Variants in ZRANB3 observed in about 807,000 individuals in gnomAD.
The protein encoded by ZRANB3 is zinc finger RANBP2-type containing 3.
In ZRANB3, 125 loss-of-function variants were observed where a neutral mutation model predicts 133.8. The ratio of observed to expected loss-of-function variants is 0.93; its 90% CI spans 0.81 to 1.08. The LOEUF (loss-of-function observed/expected upper bound fraction) is 1.08. ZRANB3 is among the 50% of genes least tolerant of loss of function. ZRANB3 has a pLI of 0.00. For synonymous variants in ZRANB3, 387 were observed against 432.7 expected (o/e 0.89, Z 1.31); for missense variants, 1,229 against 1,275.5 (o/e 0.96, Z 0.56).
intron 3 of ZRANB3, among the ~76,000 whole-genome samples, chr2:135,354,456 T>G (rs138099014): frequency 1.3e-5 from 2 of 152,200 alleles, no homozygotes; most frequent in Non-Finnish European, 2.9e-5. Context: ...GCTGTTCCAA[T>G]TTAAAAAGTA....
At chr2:135,265,340 G>A (rs990753300) in intron 12 of ZRANB3, among the ~76,000 whole-genome samples, 194 bp downstream of exon 12, 3 of 151,908 alleles carry the variant, frequency 2.0e-5, no homozygotes, top group South Asian at 2.1e-4. Context: ...TTGTTTATCC[G>A]AGGAGCTGAA....
At chr2:135,486,604 C>T (rs1692135584) in intron 2 of ZRANB3, among the ~76,000 whole-genome samples, 1 of 151,936 alleles carries the variant, frequency 6.6e-6, no homozygotes, top group South Asian at 2.1e-4. Context: ...AACCTCCACT[C>T]CCAGGTTCAG....
intron 2 of ZRANB3, among the ~76,000 whole-genome samples, chr2:135,459,324 T>A (rs1461880994): frequency 6.6e-6 from 1 of 152,182 alleles, no homozygotes; most frequent in Non-Finnish European, 1.5e-5. Context: ...CTAAAACTCA[T>A]CTCTTCATCT....
chr2:135,371,809 G>C (rs900633683), intron 3 of ZRANB3, among the ~76,000 whole-genome samples: 2 of 152,126 alleles, frequency 1.3e-5, no homozygotes, highest in Non-Finnish European at 2.9e-5. Context: ...AATGTATCAG[G>C]AGGTGGAGGT....
intron 2 of ZRANB3, among the ~76,000 whole-genome samples, chr2:135,397,245 C>G (rs959801733): frequency 1.1e-4 from 17 of 152,040 alleles, no homozygotes; most frequent in African/African-American, 3.4e-4. Context: ...CAATCTGAGA[C>G]CAACGTGGGC....
At chr2:135,327,886 C>T (rs1683915083) in intron 6 of ZRANB3, among the ~76,000 whole-genome samples, 1 of 151,998 alleles carries the variant, frequency 6.6e-6, no homozygotes, top group Non-Finnish European at 1.5e-5. Context: ...CAAAAAATGT[C>T]CTAAGATAGT....
Position 135,207,784 on chromosome 2 carries a change from G to A in ZRANB3, c.2659C>T (p.Gln887Ter). The stretch of plus-strand genomic sequence containing the variant: ...GAGGGCTTCACAGTGAGATCTGCCT[G>A]GACTGTGTATGGATTTAGAAATGGG... ...CVPFLNPYTV[Q>*]ADLTVKPSTS... Residue 887 changes from glutamine (Q) to a stop codon, truncating the protein, a stop_gained, in exon 19 of 21, where the codon CAG becomes TAG. Coordinates refer to ENST00000264159, the MANE Select transcript of ZRANB3 (RefSeq NM_032143.4). LOFTEE classifies it high-confidence loss of function. 6.2e-7 allele frequency: 1 copy of A among 1,612,676 alleles called. No homozygotes were observed. The highest frequency in any genetic ancestry group is 1.1e-5 in the South Asian group (1 of 91,066).
intron 1 of ZRANB3, among the ~76,000 whole-genome samples, chr2:135,521,586 T>C (rs539280186): frequency 6.6e-6 from 1 of 152,226 alleles, no homozygotes; most frequent in East Asian, 1.9e-4. Flanking sequence ...ACAGAAGGTA[T>C]TGGGTAAACA....
chr2:135,528,921 G>A (rs909927677), intron 1 of ZRANB3, among the ~76,000 whole-genome samples: 3 of 152,152 alleles, frequency 2.0e-5, no homozygotes, highest in Non-Finnish European at 4.4e-5. Context: ...TTAATCCAAA[G>A]GTAGAATGTA....
intron 8 of ZRANB3, among the ~76,000 whole-genome samples, chr2:135,310,671 T>C (rs1361535462): frequency 2.5e-5 from 3 of 122,262 alleles, no homozygotes; most frequent in African/African-American, 8.8e-5. Flanking sequence ...TATTTTTATT[T>C]ATATATATAT....
intron 2 of ZRANB3, among the ~76,000 whole-genome samples, chr2:135,409,680 G>A (rs948067111): frequency 2.6e-5 from 4 of 152,210 alleles, no homozygotes; most frequent in African/African-American, 4.8e-5. Flanking sequence ...AGAGGAACTC[G>A]AATTATCTTT....
Position 135,348,318 on chromosome 2 carries a change from T to C in ZRANB3, c.591+1666A>G, listed in dbSNP as rs143581700. Among the ~76,000 whole-genome samples, 588 of 151,818 alleles carry C rather than the reference T, an allele frequency of 3.9e-3. 2 individuals carry two copies. Among genetic ancestry groups the C allele is most frequent in the Non-Finnish European group, 6.0e-3 (410 of 67,926 alleles). On this transcript the variant is annotated intron_variant, in intron 5 of 20. Coordinates refer to ENST00000264159, the MANE Select transcript of ZRANB3 (RefSeq NM_032143.4). ...AAATTAGAGAACTCACACTTCCTAA[T>C]TTCAAAACTCCAAACTTAGAATTTC...
intron 12 of ZRANB3, among the ~76,000 whole-genome samples, chr2:135,250,572 C>T (rs1372149659): frequency 6.6e-6 from 1 of 152,200 alleles, no homozygotes; most frequent in South Asian, 2.1e-4. Context: ...CCCTGTGCTG[C>T]GTTCAGCCTA....
rs1211398874 is a variant in ZRANB3, at chr2:135,247,376, C to T, written c.1540-16449G>A. 2.6e-5 allele frequency among the ~76,000 whole-genome samples: 4 copies of T among 151,534 alleles called. No individual in the cohort carries two copies. The East Asian group carries it at 7.7e-4, about 29-fold the overall frequency. ...ATGACTGGTTTTTTTTTCAGATTTT[C>T]CAAAATGTTCATTCCCATACAGCTG... On this transcript the variant is annotated intron_variant, in intron 12 of 20. Coordinates refer to ENST00000264159, the MANE Select transcript of ZRANB3 (RefSeq NM_032143.4).
At chr2:135,401,763 TCTAAACTC>T in intron 2 of ZRANB3, among the ~76,000 whole-genome samples, 1 of 152,314 alleles carries the variant, frequency 6.6e-6, no homozygotes, top group Admixed American at 6.5e-5. Flanking sequence ...AAGGTGTGGC[TCTAAACTC>T]CTGTTAACTG....
intron 6 of ZRANB3, among the ~76,000 whole-genome samples, chr2:135,333,540 T>C (rs1312219821): frequency 1.3e-5 from 2 of 152,190 alleles, no homozygotes; most frequent in Non-Finnish European, 2.9e-5. Flanking sequence ...GGTTAGAATT[T>C]TGAACCATGT....
At chr2:135,416,436 C>T (rs1175657591) in intron 2 of ZRANB3, among the ~76,000 whole-genome samples, 1 of 151,996 alleles carries the variant, frequency 6.6e-6, no homozygotes, top group Non-Finnish European at 1.5e-5. Context: ...GAACTACAAA[C>T]CACTGCTCAA....
At chr2:135,422,676 G>A (rs1189557409) in intron 2 of ZRANB3, among the ~76,000 whole-genome samples, 1 of 152,104 alleles carries the variant, frequency 6.6e-6, no homozygotes, top group Non-Finnish European at 1.5e-5. Flanking sequence ...CCCCCAAAGA[G>A]CCCAGAAAAT....
At chr2:135,275,884 A>T in intron 8 of ZRANB3, 129 bp from the exon 9 acceptor site, 1 of 658,230 alleles carries the variant, frequency 1.5e-6, no homozygotes, top group Non-Finnish European at 2.2e-6. Context: ...ATTGTTCTCT[A>T]GGTAGCCTAA....
Sources: allele counts gnomAD v4.1 joint callset (sites outside exome capture counted in the v4.1 genomes callset), GRCh38; gene constraint gnomAD v4.1.1; transcripts MANE v1.5; gene names NCBI Gene and HGNC (gene_info 2026-07-23, HGNC 2026-07-21).